Variants in GPC3 observed in about 807,000 individuals in gnomAD.
The protein encoded by GPC3 is glypican-3.
Under a neutral mutation model 34.4 loss-of-function variants are expected in GPC3, and 3 were observed. That is an observed-to-expected ratio of 0.09 (90% CI 0.04 to 0.23). The LOEUF is 0.23. GPC3 is among the 10% of genes least tolerant of loss of function. The pLI, the probability that GPC3 is intolerant of heterozygous loss-of-function variation, is 1.00. For synonymous variants in GPC3, 177 were observed against 174.0 expected (o/e 1.02, Z -0.13); for missense variants, 351 against 445.6 (o/e 0.79, Z 1.91).
At chrX:133,636,840 C>A (rs1359745541) in intron 6 of GPC3, among the ~76,000 whole-genome samples, 1 of 110,951 alleles carries the variant, frequency 9.0e-6, no homozygotes, top group Non-Finnish European at 1.9e-5. Context: ...ACTAGCAGAT[C>A]TCCCCTCACT....
intron 2 of GPC3, among the ~76,000 whole-genome samples, chrX:133,862,971 C>T (rs1273360741): frequency 2.7e-5 from 3 of 112,927 alleles, no homozygotes; most frequent in South Asian, 3.6e-4. Flanking sequence ...ATCCTGGCAT[C>T]GAGCTTTGGC....
intron 1 of GPC3, among the ~76,000 whole-genome samples, chrX:133,971,606 A>G (rs977937179): frequency 3.6e-5 from 4 of 111,500 alleles, no homozygotes; most frequent in African/African-American, 6.5e-5. Context: ...AAGAAACAAA[A>G]CCATTTAATA....
intron 2 of GPC3, among the ~76,000 whole-genome samples, chrX:133,810,636 T>G (rs757028493): frequency 9.1e-6 from 1 of 109,436 alleles, no homozygotes; most frequent in South Asian, 4.0e-4. Flanking sequence ...CTGGGTGCAG[T>G]GGCTCACGCT....
intron 6 of GPC3, among the ~76,000 whole-genome samples, chrX:133,634,785 A>G (rs2070402075): frequency 8.9e-6 from 1 of 112,086 alleles, no homozygotes; most frequent in Non-Finnish European, 1.9e-5. Flanking sequence ...TAAATTCAGG[A>G]AAACATTTTG....
chrX:133,624,701 G>C (rs758972442), intron 6 of GPC3, among the ~76,000 whole-genome samples: 3 of 111,422 alleles, frequency 2.7e-5, no homozygotes, highest in Non-Finnish European at 5.7e-5. Flanking sequence ...TCCAGGACCA[G>C]AGGGATTCAC....
At chrX:133,879,647 A>G (rs1195520040) in intron 2 of GPC3, among the ~76,000 whole-genome samples, 1 of 109,879 alleles carries the variant, frequency 9.1e-6, no homozygotes, top group East Asian at 2.9e-4. Context: ...CTCTACTAAA[A>G]ATACAAAAAT....
intron 3 of GPC3, among the ~76,000 whole-genome samples, chrX:133,709,531 A>C (rs2071248870): frequency 8.9e-6 from 1 of 112,486 alleles, no homozygotes; most frequent in Non-Finnish European, 1.9e-5. Context: ...AAATTATGTG[A>C]TATACAACAT....
At chrX:133,676,849 C>A (rs2070888006) in intron 5 of GPC3, among the ~76,000 whole-genome samples, 1 of 111,513 alleles carries the variant, frequency 9.0e-6, no homozygotes, top group African/African-American at 3.3e-5. Flanking sequence ...CCTGGAGGGT[C>A]TTGGAAAGGG....
intron 2 of GPC3, among the ~76,000 whole-genome samples, chrX:133,790,445 G>T (rs764711797): frequency 4.5e-5 from 5 of 111,033 alleles, no homozygotes; most frequent in Non-Finnish European, 9.4e-5. Context: ...CTCATTTTTT[G>T]ATTGTCACAT....
chrX:133,858,083 T>A (rs1427339226), intron 2 of GPC3, among the ~76,000 whole-genome samples: 1 of 110,859 alleles, frequency 9.0e-6, no homozygotes, highest in East Asian at 2.8e-4. Context: ...TATGTCAGAG[T>A]TTAATAAGTG....
intron 2 of GPC3, among the ~76,000 whole-genome samples, chrX:133,907,957 T>C (rs936262223): frequency 2.7e-5 from 3 of 110,782 alleles, no homozygotes; most frequent in Non-Finnish European, 3.8e-5. Context: ...GTTACATATA[T>C]ATATATATTC....
intron 6 of GPC3, among the ~76,000 whole-genome samples, chrX:133,626,896 C>A (rs985139811): frequency 9.3e-6 from 1 of 107,967 alleles, no homozygotes; most frequent in African/African-American, 3.4e-5. Context: ...TTCACAATAG[C>A]AAAGACTTGG....
At chrX:133,888,317 C>T (rs763692752) in intron 2 of GPC3, among the ~76,000 whole-genome samples, 27 of 111,925 alleles carry the variant, frequency 2.4e-4, no homozygotes, top group African/African-American at 8.4e-4. Flanking sequence ...TTTATCCAGT[C>T]TATCATTGAT....
intron 3 of GPC3, among the ~76,000 whole-genome samples, chrX:133,741,234 C>T (rs1445908296): frequency 9.6e-5 from 10 of 104,022 alleles, no homozygotes; most frequent in African/African-American, 3.6e-4. Context: ...TGATCTTGGA[C>T]TTTCAACCCC....
At chrX:133,794,831 A>G (rs2075570199) in intron 2 of GPC3, among the ~76,000 whole-genome samples, 1 of 112,590 alleles carries the variant, frequency 8.9e-6, no homozygotes, top group Non-Finnish European at 1.9e-5. Context: ...TAGCAAGGGG[A>G]AAAATAGATT....
intron 2 of GPC3, among the ~76,000 whole-genome samples, chrX:133,885,889 CA>C (rs1165300309): frequency 4.5e-5 from 5 of 110,673 alleles, no homozygotes; most frequent in Admixed American, 2.9e-4. Flanking sequence ...CGAGTTTTAG[CA>C]ATTTTAACAA....
intron 2 of GPC3, among the ~76,000 whole-genome samples, chrX:133,774,103 C>T (rs2071951221): frequency 8.9e-6 from 1 of 112,204 alleles, no homozygotes; most frequent in South Asian, 3.7e-4. Flanking sequence ...GGTTTTATCC[C>T]GTACAATTTT....
intron 5 of GPC3, among the ~76,000 whole-genome samples, chrX:133,690,174 C>A (rs897617450): frequency 9.0e-6 from 1 of 111,308 alleles, no homozygotes; most frequent in Non-Finnish European, 1.9e-5. Flanking sequence ...GGGTGGCACG[C>A]AACCTTATTC....
chrX:133,706,838 C>T (rs894159704), intron 3 of GPC3, among the ~76,000 whole-genome samples: 1 of 111,653 alleles, frequency 9.0e-6, no homozygotes, highest in African/African-American at 3.3e-5. Context: ...TTTGATTCAA[C>T]AATACCATTA....
Sources: allele counts gnomAD v4.1 joint callset (sites outside exome capture counted in the v4.1 genomes callset), GRCh38; gene constraint gnomAD v4.1.1; transcripts MANE v1.5; gene names NCBI Gene and HGNC (gene_info 2026-07-23, HGNC 2026-07-21).